NFIA: variants seen among roughly 807,000 people sequenced by gnomAD.
NFIA encodes nuclear factor I A.
A neutral mutation model predicts 62.8 loss-of-function variants in NFIA; 8 were observed. That is an observed-to-expected ratio of 0.13 (90% CI 0.07 to 0.23). The LOEUF (loss-of-function observed/expected upper bound fraction) is 0.23. Ranked by LOEUF, NFIA falls within the 10% of genes least tolerant of loss-of-function variation. The pLI, the probability that NFIA is intolerant of heterozygous loss-of-function variation, is 1.00. For missense variants in NFIA, 410 were observed against 642.1 expected (o/e 0.64, Z 3.91); for synonymous variants, 235 against 238.1 (o/e 0.99, Z 0.12).
At chr1:61,096,235 C>T (rs996607151) in intron 2 of NFIA, among the ~76,000 whole-genome samples, 3 of 152,028 alleles carry the variant, frequency 2.0e-5, no homozygotes, top group African/African-American at 4.8e-5. Flanking sequence ...TTGTTTGAGA[C>T]GGAGTTTAGC....
At chr1:61,156,246 T>A (rs1382945248) in intron 2 of NFIA, among the ~76,000 whole-genome samples, 1 of 152,256 alleles carries the variant, frequency 6.6e-6, no homozygotes, top group Non-Finnish European at 1.5e-5. Context: ...ATAAGGAAAG[T>A]GTATTTTCCA....
In NFIA at chr1:61,458,329, A is replaced by G. The variant is rs1668394466; in HGVS notation, c.*3009A>G. 1 of 152,216 alleles carries G rather than the reference A, an allele frequency of 6.6e-6. No individual in the cohort carries two copies. Among genetic ancestry groups the G allele is most frequent in the Admixed American group, 6.5e-5 (1 of 15,280 alleles). 9.4% of individuals were successfully genotyped at this position (152,216 alleles called of 1,614,324 possible). Reference sequence around the variant, plus strand: ...AAGGTATTACCAGTAAATTGGTTGTATATACAATAAAATTGCACCCTTTTT... The same window carrying G: ...AAGGTATTACCAGTAAATTGGTTGTGTATACAATAAAATTGCACCCTTTTT... On this transcript the variant is annotated 3_prime_UTR_variant, in exon 11 of 11. Coordinates refer to ENST00000403491, the MANE Select transcript of NFIA (RefSeq NM_001134673.4).
intron 2 of NFIA, among the ~76,000 whole-genome samples, chr1:61,238,435 G>T (rs1171852708): frequency 2.6e-5 from 4 of 152,166 alleles, no homozygotes; most frequent in East Asian, 1.9e-4. Flanking sequence ...CATCGGAAAA[G>T]AAAATTATAT....
At chr1:61,306,299 CAG>C (rs1427698375) in intron 3 of NFIA, among the ~76,000 whole-genome samples, 1 of 26,556 alleles carries the variant, frequency 3.8e-5, no homozygotes, top group African/African-American at 8.6e-5. Flanking sequence ...TTTTTTAAGA[CAG>C]AGTCTCACTC....
chr1:61,455,509 T>TG lies in NFIA; in HGVS notation c.*192dup. On this transcript the variant is annotated 3_prime_UTR_variant, in exon 11 of 11. Coordinates refer to ENST00000403491, the MANE Select transcript of NFIA (RefSeq NM_001134673.4). ...TCAAACAGCAAAGGCCATAACCTTTTGGGATTTTTTTTTTTTTAAAATACT... is the reference window on the plus strand; with the variant it reads ...TCAAACAGCAAAGGCCATAACCTTTTGGGGATTTTTTTTTTTTTAAAATACT... 1.2e-6 allele frequency: 1 copy of TG among 822,918 alleles called. No homozygotes were observed. The highest frequency in any genetic ancestry group is 2.0e-5 in the African/African-American group (1 of 49,470). The allele number at this position is 822,918 out of a possible 1,614,324, so 51.0% of individuals were successfully genotyped here.
intron 3 of NFIA, among the ~76,000 whole-genome samples, chr1:61,321,943 ATT>A (rs1660700824): frequency 6.6e-6 from 1 of 152,184 alleles, no homozygotes; most frequent in African/African-American, 2.4e-5. Context: ...CCCTTCCTTT[ATT>A]AACTGCAGGA....
chr1:61,396,965 G>A (rs1665310095), intron 7 of NFIA, among the ~76,000 whole-genome samples: 1 of 151,640 alleles, frequency 6.6e-6, no homozygotes, highest in Admixed American at 6.6e-5. Context: ...TTGCGCCACT[G>A]CACTCCATCC....
At chr1:61,181,321 T>G (rs1014104066) in intron 2 of NFIA, among the ~76,000 whole-genome samples, 8 of 152,238 alleles carry the variant, frequency 5.3e-5, no homozygotes, top group Non-Finnish European at 1.2e-4. Flanking sequence ...TGATGCGCCA[T>G]GCCAAATTAG....
intron 2 of NFIA, among the ~76,000 whole-genome samples, chr1:61,201,456 G>T (rs763768590): frequency 6.6e-6 from 1 of 151,014 alleles, no homozygotes; most frequent in Non-Finnish European, 1.5e-5. Context: ...GAACTTAAAA[G>T]CTTAAGGCAA....
At chr1:61,328,038 G>A (rs539756501) in intron 3 of NFIA, among the ~76,000 whole-genome samples, 1 of 150,884 alleles carries the variant, frequency 6.6e-6, no homozygotes, top group Non-Finnish European at 1.5e-5. Flanking sequence ...TTTCATGTTT[G>A]TTGGCCATTT....
At chr1:61,436,364 C>T (rs543096993) in intron 10 of NFIA, among the ~76,000 whole-genome samples, 46 of 152,310 alleles carry the variant, frequency 3.0e-4, no homozygotes, top group Admixed American at 9.1e-4. Context: ...GAACTCAATA[C>T]AGGTGGTGTT....
intron 3 of NFIA, among the ~76,000 whole-genome samples, chr1:61,293,027 T>C (rs1169553052): frequency 6.6e-6 from 1 of 152,160 alleles, no homozygotes; most frequent in Non-Finnish European, 1.5e-5. Flanking sequence ...ACAGCTGGCT[T>C]TGGTGAAGTT....
chr1:61,321,999 A>G (rs1660703811), intron 3 of NFIA, among the ~76,000 whole-genome samples: 2 of 152,164 alleles, frequency 1.3e-5, no homozygotes, highest in African/African-American at 4.8e-5. Flanking sequence ...AGACTGGGTA[A>G]TTAAGTCTCT....
intron 6 of NFIA, among the ~76,000 whole-genome samples, chr1:61,364,905 C>G (rs1663501134): frequency 6.6e-6 from 1 of 152,146 alleles, no homozygotes; most frequent in African/African-American, 2.4e-5. Flanking sequence ...ATGGCATCAC[C>G]TGGGGGCTTA....
chr1:61,306,051 C>A (rs924580482), intron 3 of NFIA, among the ~76,000 whole-genome samples: 10 of 151,138 alleles, frequency 6.6e-5, no homozygotes, highest in Non-Finnish European at 1.2e-4. Context: ...AGAGTTTCAC[C>A]GTGTTAGCCA....
At chr1:61,434,442 G>A (rs1667242297) in intron 10 of NFIA, among the ~76,000 whole-genome samples, 1 of 152,092 alleles carries the variant, frequency 6.6e-6, no homozygotes, top group Admixed American at 6.6e-5. Flanking sequence ...CATACACTTG[G>A]CGGCTGACTC....
intron 7 of NFIA, among the ~76,000 whole-genome samples, chr1:61,401,218 A>C (rs761608655): frequency 7.9e-4 from 121 of 152,324 alleles, no homozygotes; most frequent in Non-Finnish European, 1.0e-3. Flanking sequence ...GCCCAATTTG[A>C]AACTACAGGC....
intron 3 of NFIA, among the ~76,000 whole-genome samples, chr1:61,314,370 G>A (rs1432942918): frequency 1.3e-5 from 2 of 152,172 alleles, no homozygotes; most frequent in African/African-American, 4.8e-5. Flanking sequence ...AAGCAGAGAA[G>A]ATATTCAACA....
At chr1:61,410,783 C>T (rs528584566) in intron 9 of NFIA, among the ~76,000 whole-genome samples, 66 of 151,896 alleles carry the variant, frequency 4.3e-4, no homozygotes, top group African/African-American at 1.4e-3. Context: ...GGCGTGCACC[C>T]GTAGTTTCAG....
Sources: allele counts gnomAD v4.1 joint callset (sites outside exome capture counted in the v4.1 genomes callset), GRCh38; gene constraint gnomAD v4.1.1; transcripts MANE v1.5; gene names NCBI Gene and HGNC (gene_info 2026-07-23, HGNC 2026-07-21).